The following RNF217 variants were observed in gnomAD, a reference collection of about 807,000 sequenced individuals.
RNF217 encodes the protein ring finger protein 217.
RNF217 carries 31 observed loss-of-function variants against 57.8 expected under a neutral mutation model. That is an observed-to-expected ratio of 0.54 (90% CI 0.40 to 0.72). RNF217 has a LOEUF of 0.72. Ranked by LOEUF, RNF217 falls within the 30% of genes least tolerant of loss-of-function variation. RNF217 has a pLI of 0.00. For missense variants in RNF217, 696 were observed against 708.3 expected (o/e 0.98, Z 0.20); for synonymous variants, 313 against 294.0 (o/e 1.06, Z -0.66).
intron 1 of RNF217, among the ~76,000 whole-genome samples, chr6:125,019,831 A>AG (rs375622929): frequency 0.071 from 9,934 of 140,184 alleles, 523 homozygotes; most frequent in Middle Eastern, 0.086. Context: ...CCTTTTTTGC[A>AG]GTGGGGGGGG....
chr6:125,046,237 G>A (rs72969682), intron 2 of RNF217, among the ~76,000 whole-genome samples: 5,305 of 152,078 alleles, frequency 0.035, 123 homozygotes, highest in South Asian at 0.056. Context: ...GCAGCTGATC[G>A]GGCAGATAAG....
intron 1 of RNF217, among the ~76,000 whole-genome samples, chr6:124,969,313 A>C (rs1477132747): frequency 1.3e-5 from 2 of 152,218 alleles, no homozygotes; most frequent in Non-Finnish European, 1.5e-5. Flanking sequence ...AAGAAAACAC[A>C]ATTTTGCTCA....
intron 1 of RNF217, among the ~76,000 whole-genome samples, chr6:124,994,787 AT>A: frequency 6.6e-6 from 1 of 152,292 alleles, no homozygotes. Flanking sequence ...AGGAGTAAGA[AT>A]TATACTTGAA....
chr6:125,029,731 A>G (rs1786268332), intron 1 of RNF217, among the ~76,000 whole-genome samples: 1 of 152,232 alleles, frequency 6.6e-6, no homozygotes, highest in Non-Finnish European at 1.5e-5. Context: ...AGTTATTATC[A>G]TAAGAAATGA....
At chr6:125,081,324 A>C in intron 4 of RNF217, 112 bp from the exon 5 acceptor site, 1 of 724,872 alleles carries the variant, frequency 1.4e-6, no homozygotes, top group Non-Finnish European at 2.3e-6. Flanking sequence ...CCTTAAGTGT[A>C]ATCAGACTAC....
At chr6:125,009,254 C>T (rs774608016) in intron 1 of RNF217, 44 of 1,610,876 alleles carry the variant, frequency 2.7e-5, no homozygotes, top group African/African-American at 5.3e-5. Context: ...TCATCCACAC[C>T]CATAAACCAG....
chr6:125,072,323 A>AT (rs1161443671), intron 3 of RNF217, among the ~76,000 whole-genome samples: 2 of 152,092 alleles, frequency 1.3e-5, no homozygotes, highest in African/African-American at 2.4e-5. Context: ...TGATGAAACA[A>AT]TTTTTTCCGT....
At chr6:125,040,475 G>A (rs1361781208) in intron 1 of RNF217, among the ~76,000 whole-genome samples, 1 of 152,164 alleles carries the variant, frequency 6.6e-6, no homozygotes, top group African/African-American at 2.4e-5. Context: ...AAAATGCCCA[G>A]GACCAGATGG....
In RNF217 at chr6:125,092,100, A is replaced by G. The variant is rs536875554; in HGVS notation, c.*9163A>G. The G allele has an allele frequency of 6.6e-6, 1 of 152,322 alleles. No homozygotes were observed. Among genetic ancestry groups the G allele is most frequent in the Non-Finnish European group, 1.5e-5 (1 of 68,028 alleles). The allele number at this position is 152,322 out of a possible 1,614,324, so 9.4% of individuals were successfully genotyped here. ...AAAAAAGGAAAAGAATCTTCCTGCCAACAGGTAGGTCCTGCTGGACAGGAC... is the reference window on the plus strand; with the variant it reads ...AAAAAAGGAAAAGAATCTTCCTGCCGACAGGTAGGTCCTGCTGGACAGGAC... On this transcript the variant is annotated 3_prime_UTR_variant, in exon 6 of 6. Transcript: ENST00000521654.
At chr6:125,053,930 T>C (rs148930270) in intron 2 of RNF217, among the ~76,000 whole-genome samples, 79 of 152,278 alleles carry the variant, frequency 5.2e-4, no homozygotes, top group African/African-American at 1.8e-3. Context: ...ATGTATTTAG[T>C]AAACATCATC....
chr6:124,995,986 T>TC (rs1784736093), intron 1 of RNF217, among the ~76,000 whole-genome samples: 1 of 152,080 alleles, frequency 6.6e-6, no homozygotes, highest in Non-Finnish European at 1.5e-5. Context: ...TTTTTCTATT[T>TC]CTCTTACAGA....
chr6:125,018,093 T>C (rs1175512529), intron 1 of RNF217, among the ~76,000 whole-genome samples: 1 of 152,192 alleles, frequency 6.6e-6, no homozygotes. Context: ...TGGAATTGTT[T>C]AAGAAAAGTT....
chr6:125,053,592 G>A (rs1376332335), intron 2 of RNF217, among the ~76,000 whole-genome samples: 1 of 151,886 alleles, frequency 6.6e-6, no homozygotes, highest in Admixed American at 6.6e-5. Flanking sequence ...AATGATCTGG[G>A]GTTTTCTTTA....
At chr6:125,051,873 G>A (rs1787330759) in intron 2 of RNF217, among the ~76,000 whole-genome samples, 1 of 151,922 alleles carries the variant, frequency 6.6e-6, no homozygotes, top group Non-Finnish European at 1.5e-5. Flanking sequence ...TGCAAATCAG[G>A]GAAGAATTTT....
intron 1 of RNF217, among the ~76,000 whole-genome samples, chr6:125,033,157 G>A (rs1331789685): frequency 6.7e-6 from 1 of 148,830 alleles, no homozygotes; most frequent in Non-Finnish European, 1.5e-5. Context: ...TTCAGAGTTT[G>A]GATTTCAACT....
chr6:125,045,473 A>G, intron 2 of RNF217, 29 bp downstream of exon 2: 1 of 1,558,092 alleles, frequency 6.4e-7, no homozygotes, highest in Non-Finnish European at 8.8e-7. Flanking sequence ...GCTGTGGGTT[A>G]GATGTCACAT....
In RNF217 at chr6:125,053,541, A is replaced by G. The variant is rs186545831; in HGVS notation, c.1117-4401A>G. Among the ~76,000 whole-genome samples the G allele has an allele frequency of 9.9e-5, 15 of 152,274 alleles. No individual in the cohort carries two copies. The East Asian group carries it at 2.7e-3, about 27-fold the overall frequency. ...AATGATTTTGTGATTTATTTAAAAT[A>G]ATGATGTGTATAGGGGTATCTAGAA... On this transcript the variant is annotated intron_variant, in intron 2 of 5. Coordinates refer to ENST00000521654, the MANE Select transcript of RNF217 (RefSeq NM_001286398.3).
chr6:125,025,576 A>AAGGG (rs140086309), intron 1 of RNF217, among the ~76,000 whole-genome samples: 18,697 of 121,886 alleles, frequency 0.15, 3,468 homozygotes, highest in African/African-American at 0.44. Context: ...GAAAAGAAGG[A>AAGGG]AGGGAGGGAG....
At chr6:124,979,068 T>C (rs1195381817) in intron 1 of RNF217, among the ~76,000 whole-genome samples, 1 of 152,112 alleles carries the variant, frequency 6.6e-6, no homozygotes, top group Admixed American at 6.5e-5. Context: ...AAGATGGTGA[T>C]AGAAGTTCTC....
Sources: gnomAD v4.1 joint callset for allele counts (sites outside exome capture counted in the v4.1 genomes callset) on GRCh38, gnomAD v4.1.1 for gene constraint, MANE v1.5 for transcripts, NCBI Gene and HGNC (gene_info 2026-07-23, HGNC 2026-07-21) for gene names.